Variants in SERINC5 observed in about 807,000 individuals in gnomAD.
SERINC5 encodes chromosome 5 open reading frame 12.
A neutral mutation model predicts 63.1 loss-of-function variants in SERINC5; 41 were observed. The observed-to-expected ratio is 0.65, with a 90% CI of 0.51 to 0.84. The LOEUF is 0.84. SERINC5 is among the 40% of genes least tolerant of loss of function. SERINC5 has a pLI of 0.00. For missense variants in SERINC5, 523 were observed against 573.0 expected (o/e 0.91, Z 0.89); for synonymous variants, 222 against 215.2 (o/e 1.03, Z -0.28).
chr5:80,176,116 C>G (rs1748018402), intron 4 of SERINC5, among the ~76,000 whole-genome samples: 1 of 151,498 alleles, frequency 6.6e-6, no homozygotes, highest in Admixed American at 6.6e-5. Context: ...GAGGCAGAGG[C>G]TGCAGTGAGG....
At chr5:80,232,883 A>G (rs747384278) in intron 1 of SERINC5, among the ~76,000 whole-genome samples, 1 of 152,216 alleles carries the variant, frequency 6.6e-6, no homozygotes, top group Non-Finnish European at 1.5e-5. Context: ...AAGACTGTAC[A>G]TTATATGGTT....
intron 1 of SERINC5, among the ~76,000 whole-genome samples, chr5:80,224,003 G>T (rs775295325): frequency 1.3e-5 from 2 of 151,504 alleles, no homozygotes; most frequent in African/African-American, 2.4e-5. Flanking sequence ...CGTGGTGGCG[G>T]GCGCCTGTAA....
chr5:80,123,086 T>C (rs993233816), intron 11 of SERINC5, among the ~76,000 whole-genome samples: 4 of 141,698 alleles, frequency 2.8e-5, no homozygotes, highest in African/African-American at 8.3e-5. Flanking sequence ...TACATTCTCT[T>C]AATCTGTTTT....
chr5:80,187,538 T>G (rs1320742830), intron 2 of SERINC5, among the ~76,000 whole-genome samples: 4 of 151,882 alleles, frequency 2.6e-5, no homozygotes, highest in Non-Finnish European at 5.9e-5. Flanking sequence ...CCTCTTTCCT[T>G]ACACAGCCTC....
chr5:80,148,796 C>T (rs573413954), intron 9 of SERINC5, among the ~76,000 whole-genome samples: 4 of 152,234 alleles, frequency 2.6e-5, no homozygotes, highest in Admixed American at 2.0e-4. Flanking sequence ...CTACAAAGAA[C>T]AGAGAGCCAA....
intron 1 of SERINC5, among the ~76,000 whole-genome samples, chr5:80,223,710 T>C (rs1262051039): frequency 6.6e-6 from 1 of 152,124 alleles, no homozygotes. Flanking sequence ...GCATCCAGAA[T>C]GATTTGAAAG....
At chr5:80,205,581 C>A (rs1750114230) in intron 1 of SERINC5, among the ~76,000 whole-genome samples, 1 of 152,144 alleles carries the variant, frequency 6.6e-6, no homozygotes, top group Non-Finnish European at 1.5e-5. Context: ...ATGAGTAGGA[C>A]GTGGGCCCAG....
intron 8 of SERINC5, among the ~76,000 whole-genome samples, chr5:80,153,830 C>G (rs1042100082): frequency 6.6e-6 from 1 of 152,048 alleles, no homozygotes; most frequent in Non-Finnish European, 1.5e-5. Context: ...AAAGAAAAGC[C>G]GTGTCCTGTT....
intron 2 of SERINC5, among the ~76,000 whole-genome samples, chr5:80,183,455 C>T (rs1490041408): frequency 6.6e-6 from 1 of 152,126 alleles, no homozygotes; most frequent in African/African-American, 2.4e-5. Flanking sequence ...AAGTGTCAGG[C>T]CTCTGAGCCT....
chr5:80,206,401 T>C (rs1396048167), intron 1 of SERINC5, among the ~76,000 whole-genome samples: 1 of 152,194 alleles, frequency 6.6e-6, no homozygotes, highest in Non-Finnish European at 1.5e-5. Flanking sequence ...TTCATGAGAC[T>C]GTCATTGTTT....
chr5:80,130,736 CACT>C (rs1580030213), intron 11 of SERINC5, among the ~76,000 whole-genome samples: 1 of 152,284 alleles, frequency 6.6e-6, no homozygotes, highest in East Asian at 1.9e-4. Flanking sequence ...TCTTGTTTTT[CACT>C]ACTGCCATCC....
chr5:80,134,518 C>CA (rs779702682), downstream of SERINC5, among the ~76,000 whole-genome samples: 6 of 151,970 alleles, frequency 3.9e-5, no homozygotes, highest in Non-Finnish European at 8.8e-5. Context: ...ACAACAACAA[C>CA]AAAAAACAAA....
chr5:80,220,243 G>C (rs1372420925), intron 1 of SERINC5, among the ~76,000 whole-genome samples: 7 of 151,004 alleles, frequency 4.6e-5, no homozygotes, highest in Non-Finnish European at 8.9e-5. Flanking sequence ...GAGAGAGAGA[G>C]ATAGAAACAA....
chr5:80,192,435 A>AT (rs5869024), intron 2 of SERINC5, among the ~76,000 whole-genome samples: 24,873 of 147,038 alleles, frequency 0.17, 2,532 homozygotes, highest in Non-Finnish European at 0.23. Flanking sequence ...CCCATATGTC[A>AT]TTTTTTTTTT....
intron 6 of SERINC5, among the ~76,000 whole-genome samples, chr5:80,168,334 A>C (rs1039245105): frequency 6.6e-6 from 1 of 151,952 alleles, no homozygotes; most frequent in African/African-American, 2.4e-5. Context: ...GTAGCTGGGA[A>C]TACAGGCGTG....
At chr5:80,137,373 G>A (rs1396419267), downstream of SERINC5, among the ~76,000 whole-genome samples, 1 of 152,036 alleles carries the variant, frequency 6.6e-6, no homozygotes, top group African/African-American at 2.4e-5. Flanking sequence ...AGGCACAGTG[G>A]CTCACACCTG....
chr5:80,214,045 A>G (rs1750552626), intron 1 of SERINC5, among the ~76,000 whole-genome samples: 1 of 152,202 alleles, frequency 6.6e-6, no homozygotes, highest in Non-Finnish European at 1.5e-5. Context: ...CAATAAAAAG[A>G]TTTAGATTTA....
intron 8 of SERINC5, among the ~76,000 whole-genome samples, chr5:80,153,186 G>A (rs1746297409): frequency 6.6e-6 from 1 of 151,914 alleles, no homozygotes; most frequent in African/African-American, 2.4e-5. Flanking sequence ...TGCCGGGCGT[G>A]GTGGCTCACA....
In SERINC5 at chr5:80,140,348, T is replaced by C; in HGVS notation, c.*3315A>G. On this transcript the variant is annotated 3_prime_UTR_variant, in exon 12 of 12. Transcript: ENST00000507668. The stretch of plus-strand genomic sequence containing the variant: ...AAAAAAAAAAGGCTTAGGGTGACAA[T>C]TTTGACATGGGGACAGGAAATTAAC... 2 of 959,986 alleles carry C rather than the reference T, an allele frequency of 2.1e-6. No homozygotes were observed. Among genetic ancestry groups the C allele is most frequent in the Non-Finnish European group, 2.5e-6 (2 of 811,992 alleles). 59.5% of individuals were successfully genotyped at this position (959,986 alleles called of 1,614,324 possible).
Sources: allele counts gnomAD v4.1 joint callset (sites outside exome capture counted in the v4.1 genomes callset), GRCh38; gene constraint gnomAD v4.1.1; transcripts MANE v1.5; gene names NCBI Gene and HGNC (gene_info 2026-07-23, HGNC 2026-07-21).